Variants in SIPA1L1 observed in about 807,000 individuals in gnomAD.
The protein encoded by SIPA1L1 is signal-induced proliferation-associated 1-like protein 1.
Under a neutral mutation model 162.7 loss-of-function variants are expected in SIPA1L1, and 26 were observed. The ratio of observed to expected loss-of-function variants is 0.16; its 90% CI spans 0.12 to 0.22. SIPA1L1 has a LOEUF of 0.22. Among genes scored for constraint, SIPA1L1 ranks in the 10% least tolerant of loss-of-function variants. SIPA1L1 has a pLI of 1.00. For synonymous variants in SIPA1L1, 829 were observed against 837.4 expected, an observed-to-expected ratio of 0.99 and a Z score of 0.17; for missense variants, 1,874 against 2,241.0, an observed-to-expected ratio of 0.84 and a Z score of 3.31.
intron 4 of SIPA1L1, 137 bp downstream of exon 4, chr14:71,529,507 C>A: frequency 2.0e-6 from 1 of 511,552 alleles, no homozygotes; most frequent in South Asian, 3.3e-5. Flanking sequence ...GAGATGAAGT[C>A]GTTTGTCATC....
chr14:71,500,503 A>G (rs1238712238), intron 2 of SIPA1L1, among the ~76,000 whole-genome samples: 1 of 152,068 alleles, frequency 6.6e-6, no homozygotes, highest in Non-Finnish European at 1.5e-5. Context: ...GAGCAATTGG[A>G]CAGCTCTGCT....
At chr14:71,620,822 T>C (rs1314596202) in intron 6 of SIPA1L1, among the ~76,000 whole-genome samples, 1 of 152,254 alleles carries the variant, frequency 6.6e-6, no homozygotes, top group Non-Finnish European at 1.5e-5. Context: ...CTACTTGAAT[T>C]CTGTAGTCAT....
chr14:71,559,304 G>A (rs748818944), intron 4 of SIPA1L1, among the ~76,000 whole-genome samples: 1 of 151,914 alleles, frequency 6.6e-6, no homozygotes, highest in Non-Finnish European at 1.5e-5. Flanking sequence ...CTGACCTCAG[G>A]TGATCTGCCC....
intron 12 of SIPA1L1, among the ~76,000 whole-genome samples, chr14:71,673,403 C>CT (rs1185776407): frequency 2.0e-5 from 3 of 152,150 alleles, no homozygotes; most frequent in African/African-American, 7.2e-5. Flanking sequence ...AAGAATTTCT[C>CT]TTAAGCTTTG....
chr14:71,734,897 A>C (rs868448772), intron 21 of SIPA1L1, among the ~76,000 whole-genome samples: 1 of 152,240 alleles, frequency 6.6e-6, no homozygotes, highest in African/African-American at 2.4e-5. Context: ...GGTGGAAAAC[A>C]TACTTCAAGA....
At chr14:71,526,304 A>G (rs1384250833) in intron 3 of SIPA1L1, among the ~76,000 whole-genome samples, 1 of 152,178 alleles carries the variant, frequency 6.6e-6, no homozygotes. Context: ...GGAATCTAAT[A>G]TTATTAGCCC....
chr14:71,723,701 T>A lies in SIPA1L1; in HGVS notation c.4263T>A (p.Ser1421Arg), dbSNP rs2083961013. ...CAGTGGTTTTCACCAGTGCCCGGAG[T>A]TCACCTAAAGAAGAGCTTCATCCAG... is the stretch of plus-strand genomic sequence containing the variant. ...ASPVVFTSAR[S>R]SPKEELHPAA... is the part of the protein sequence containing the mutation. Residue 1421 changes from serine (S) to arginine (R), a missense_variant, in exon 18 of 24, where the codon AGT (serine) becomes AGA (arginine). By Grantham distance (110) the Ser-to-Arg change is moderately radical. Transcript: ENST00000381232. 6.2e-7 allele frequency: 1 copy of A among 1,613,968 alleles called. No individual in the cohort carries two copies. Among genetic ancestry groups the A allele is most frequent in the Admixed American group, 1.7e-5 (1 of 59,978 alleles).
intron 2 of SIPA1L1, among the ~76,000 whole-genome samples, chr14:71,476,603 T>A (rs996431092): frequency 1.3e-5 from 2 of 152,140 alleles, no homozygotes; most frequent in Non-Finnish European, 2.9e-5. Flanking sequence ...TATGTTTTTT[T>A]AAAACTTTTT....
intron 2 of SIPA1L1, among the ~76,000 whole-genome samples, chr14:71,417,469 C>CAAAAAAAAAAAAAAAAAAAAAAAAAAAA (rs58628136): frequency 5.6e-5 from 1 of 17,768 alleles, no homozygotes; most frequent in Non-Finnish European, 1.0e-4. Context: ...GACTCCGTCT[C>CAAAAAAAAAAAAAAAAAAAAAAAAAAAA]AAAAAAAAAA....
chr14:71,502,127 A>G (rs1315516475), intron 2 of SIPA1L1, among the ~76,000 whole-genome samples: 4 of 147,646 alleles, frequency 2.7e-5, no homozygotes, highest in African/African-American at 7.5e-5. Flanking sequence ...CTAACAAGTA[A>G]TTAGAATTCT....
At chr14:71,386,429 A>G (rs1296863838) in intron 2 of SIPA1L1, among the ~76,000 whole-genome samples, 1 of 152,134 alleles carries the variant, frequency 6.6e-6, no homozygotes, top group East Asian at 1.9e-4. Context: ...TTCCCAGTCC[A>G]CTGATTCCAG....
intron 2 of SIPA1L1, among the ~76,000 whole-genome samples, chr14:71,460,919 C>G (rs1335003513): frequency 6.6e-6 from 1 of 152,238 alleles, no homozygotes; most frequent in Non-Finnish European, 1.5e-5. Flanking sequence ...TTCCACCGTT[C>G]TATCAATCCA....
At position 71,394,927 on chromosome 14, in the gene SIPA1L1, A is replaced by G. The variant is rs558572696; in HGVS notation, c.-465+73746A>G. Among the ~76,000 whole-genome samples the G allele has an allele frequency of 1.6e-4, 25 of 152,336 alleles. No individual in the cohort carries two copies. In the South Asian group the frequency reaches 5.0e-3, roughly 30 times the overall value. ...TAAAAAAATTATTTTCATCATTTCA[A>G]TTAATGGATAAAAAATTTGGGTGTT... On this transcript the variant is annotated intron_variant, in intron 2 of 23. Coordinates refer to ENST00000381232, the MANE Select transcript of SIPA1L1 (RefSeq NM_001386936.1).
chr14:71,339,252 G>T (rs1192646599), intron 2 of SIPA1L1, among the ~76,000 whole-genome samples: 1 of 152,102 alleles, frequency 6.6e-6, no homozygotes, highest in Admixed American at 6.6e-5. Flanking sequence ...GGCACTTTGG[G>T]ATTCCTTCTT....
intron 10 of SIPA1L1, among the ~76,000 whole-genome samples, chr14:71,669,139 G>A (rs2044286988): frequency 1.3e-5 from 2 of 152,188 alleles, no homozygotes; most frequent in African/African-American, 4.8e-5. Flanking sequence ...TTCTGACTAT[G>A]CGAAGCTGAT....
chr14:71,361,261 G>A (rs2037786465), intron 2 of SIPA1L1, among the ~76,000 whole-genome samples: 1 of 152,170 alleles, frequency 6.6e-6, no homozygotes, highest in South Asian at 2.1e-4. Flanking sequence ...ACTATTAGGA[G>A]CACTGGGCTG....
At chr14:71,414,670 C>G (rs998414745) in intron 2 of SIPA1L1, among the ~76,000 whole-genome samples, 13 of 152,138 alleles carry the variant, frequency 8.5e-5, no homozygotes, top group Non-Finnish European at 1.2e-4. Context: ...CTCTATGTTT[C>G]TTGAAATTAG....
intron 2 of SIPA1L1, among the ~76,000 whole-genome samples, chr14:71,429,162 A>G (rs2043801082): frequency 6.6e-6 from 1 of 152,158 alleles, no homozygotes; most frequent in South Asian, 2.1e-4. Flanking sequence ...TCACTTGATA[A>G]CATTTTGTTT....
chr14:71,480,016 G>A (rs1256680827), intron 2 of SIPA1L1, among the ~76,000 whole-genome samples: 1 of 152,094 alleles, frequency 6.6e-6, no homozygotes, highest in Admixed American at 6.5e-5. Context: ...TGGGATTACA[G>A]GCATGAGCCA....
Sources: allele counts gnomAD v4.1 joint callset (sites outside exome capture counted in the v4.1 genomes callset), GRCh38; gene constraint gnomAD v4.1.1; transcripts MANE v1.5; gene names NCBI Gene and HGNC (gene_info 2026-07-23, HGNC 2026-07-21).